Variants in PRKCE observed in about 807,000 individuals in gnomAD.
PRKCE encodes the protein protein kinase C epsilon type.
Under a neutral mutation model 85.4 loss-of-function variants are expected in PRKCE, and 16 were observed. That is an observed-to-expected ratio of 0.19 (90% CI 0.13 to 0.28). PRKCE has a LOEUF of 0.28. Among genes scored for constraint, PRKCE ranks in the 10% least tolerant of loss-of-function variants. The pLI is 1.00. For synonymous variants in PRKCE, 388 were observed against 371.5 expected, an observed-to-expected ratio of 1.04 and a Z score of -0.51; for missense variants, 573 against 975.2, an observed-to-expected ratio of 0.59 and a Z score of 5.49.
At chr2:45,784,557 A>T (rs1686445470) in intron 1 of PRKCE, among the ~76,000 whole-genome samples, 1 of 152,200 alleles carries the variant, frequency 6.6e-6, no homozygotes, top group Admixed American at 6.5e-5. Flanking sequence ...CAAATTGTAG[A>T]TCTCATCCCA....
intron 14 of PRKCE, among the ~76,000 whole-genome samples, chr2:46,182,682 C>T (rs577556366): frequency 2.6e-5 from 4 of 152,298 alleles, no homozygotes; most frequent in Admixed American, 6.5e-5. Context: ...GTCCCTCCTC[C>T]GTGCTGTTTG....
chr2:45,849,987 A>G (rs1001940350), intron 2 of PRKCE, among the ~76,000 whole-genome samples: 50 of 152,234 alleles, frequency 3.3e-4, no homozygotes, highest in African/African-American at 1.2e-3. Flanking sequence ...TTATAATGTC[A>G]CAAAGAGACA....
At chr2:45,658,523 C>A (rs1355483673) in intron 1 of PRKCE, among the ~76,000 whole-genome samples, 1 of 152,238 alleles carries the variant, frequency 6.6e-6, no homozygotes, top group African/African-American at 2.4e-5. Flanking sequence ...TGGAAGGCAT[C>A]TCCACCACTC....
chr2:45,958,816 ATTTTTTTTTTTTTTTTTTTT>A lies in PRKCE; in HGVS notation c.413-17593_413-17574del, dbSNP rs569651784. Among the ~76,000 whole-genome samples the A allele has an allele frequency of 7.3e-3, 132 of 18,162 alleles. 1 individual carries two copies. The highest frequency in any genetic ancestry group is 0.024 in the African/African-American group (122 of 5,058). 11.9% of individuals were successfully genotyped at this position (18,162 alleles called of 152,430 possible). ...CATATATATATATATATATATATATATTTTTTTTTTTTTTTTTTTTTTTTTTTTTTTTTTTTTTTAATAGA... is the reference window on the plus strand; with the variant it reads ...CATATATATATATATATATATATATATTTTTTTTTTTTTTTTTTTAATAGA... On this transcript the variant is annotated intron_variant, in intron 2 of 14. Transcript: ENST00000306156.
intron 10 of PRKCE, among the ~76,000 whole-genome samples, chr2:46,060,962 A>C (rs956659810): frequency 6.6e-6 from 1 of 151,514 alleles, no homozygotes; most frequent in Non-Finnish European, 1.5e-5. Flanking sequence ...GGGTTTTGTC[A>C]TGTTGGCTAG....
At chr2:45,661,715 A>G (rs28514974) in intron 1 of PRKCE, among the ~76,000 whole-genome samples, 6 of 98,348 alleles carry the variant, frequency 6.1e-5, no homozygotes, top group African/African-American at 1.9e-4. Context: ...TTTTTTTTGT[A>G]TTTTTAGTAA....
chr2:45,787,529 A>T (rs935831285), intron 1 of PRKCE, among the ~76,000 whole-genome samples: 5 of 152,100 alleles, frequency 3.3e-5, no homozygotes, highest in African/African-American at 1.2e-4. Context: ...TCTTTTCCAG[A>T]TGGTTTCCTA....
intron 11 of PRKCE, among the ~76,000 whole-genome samples, chr2:46,098,889 G>C (rs1408272975): frequency 6.6e-6 from 1 of 152,108 alleles, no homozygotes; most frequent in East Asian, 1.9e-4. Context: ...GTCCCTCCCA[G>C]TTGGCCATGT....
intron 1 of PRKCE, among the ~76,000 whole-genome samples, chr2:45,777,262 T>G (rs1685824438): frequency 6.6e-6 from 1 of 151,672 alleles, no homozygotes; most frequent in African/African-American, 2.4e-5. Context: ...TTGAGATGGG[T>G]GTTGATAGAG....
At chr2:45,728,377 C>A (rs1401029228) in intron 1 of PRKCE, among the ~76,000 whole-genome samples, 2 of 152,176 alleles carry the variant, frequency 1.3e-5, no homozygotes, top group African/African-American at 2.4e-5. Context: ...GTTGGACTAG[C>A]AAGCCAGAGA....
In PRKCE at chr2:45,899,622, A is replaced by G. The variant is rs187265323; in HGVS notation, c.412+56559A>G. Among the ~76,000 whole-genome samples, 864 of 152,206 alleles carry G rather than the reference A, an allele frequency of 5.7e-3. 5 individuals are homozygous for G. The highest frequency in any genetic ancestry group is 0.02 in the Middle Eastern group (6 of 294). ...GGTCTTGAACTCCTGGGCTCATGCA[A>G]TCTGCCTGCTTCGGCCTCCCAAAGT... On this transcript the variant is annotated intron_variant, in intron 2 of 14. Coordinates refer to ENST00000306156, the MANE Select transcript of PRKCE (RefSeq NM_005400.3).
chr2:45,858,245 A>G (rs1447091230), intron 2 of PRKCE, among the ~76,000 whole-genome samples: 1 of 152,332 alleles, frequency 6.6e-6, no homozygotes, highest in South Asian at 2.1e-4. Flanking sequence ...CTCTGCCTGG[A>G]GAAGAACCTA....
At chr2:46,104,872 G>A (rs137897992) in intron 11 of PRKCE, among the ~76,000 whole-genome samples, 1 of 152,154 alleles carries the variant, frequency 6.6e-6, no homozygotes, top group African/African-American at 2.4e-5. Context: ...AGGCTCTGGG[G>A]TTAGCAGCTT....
rs140602851 is a variant in PRKCE at position 45,850,512 on chromosome 2, C to G, written c.412+7449C>G. On this transcript the variant is annotated intron_variant, in intron 2 of 14. Coordinates refer to ENST00000306156, the MANE Select transcript of PRKCE (RefSeq NM_005400.3). ...TGTTGTTGATGTCTTCATGATTTGG[C>G]TTAAAAGAAAGGGTATTTCCATTCA... Among the ~76,000 whole-genome samples, 420 of 152,308 alleles carry G rather than the reference C, an allele frequency of 2.8e-3. 3 individuals carry two copies. The highest frequency in any genetic ancestry group is 9.5e-3 in the African/African-American group (396 of 41,562).
intron 1 of PRKCE, among the ~76,000 whole-genome samples, chr2:45,813,834 G>C (rs112277329): frequency 6.6e-6 from 1 of 152,184 alleles, no homozygotes; most frequent in African/African-American, 2.4e-5. Context: ...GCCCAACACA[G>C]CCCACAGGGC....
At chr2:46,116,396 A>G (rs891462755) in intron 11 of PRKCE, among the ~76,000 whole-genome samples, 5 of 152,368 alleles carry the variant, frequency 3.3e-5, no homozygotes, top group South Asian at 2.1e-4. Context: ...GTAATAAGCA[A>G]TTTGGTAACT....
Position 46,016,680 on chromosome 2 carries a change from A to G in PRKCE, c.1437+6163A>G, listed in dbSNP as rs542651834. Among the ~76,000 whole-genome samples the G allele has an allele frequency of 1.0e-3, 156 of 152,220 alleles. 1 individual carries two copies. The highest frequency in any genetic ancestry group is 5.7e-4 in the Non-Finnish European group (39 of 68,006). On this transcript the variant is annotated intron_variant, in intron 10 of 14. Coordinates refer to ENST00000306156, the MANE Select transcript of PRKCE (RefSeq NM_005400.3). ...CCCCAGCACTTTGGGAGGCCGAGGCAGGTGGATCACCTGAGGTCAGGAATT... is the reference window on the plus strand; with the variant it reads ...CCCCAGCACTTTGGGAGGCCGAGGCGGGTGGATCACCTGAGGTCAGGAATT...
At chr2:45,842,428 G>A (rs1312655848) in intron 1 of PRKCE, among the ~76,000 whole-genome samples, 1 of 152,184 alleles carries the variant, frequency 6.6e-6, no homozygotes, top group African/African-American at 2.4e-5. Context: ...AAAAGCAGGA[G>A]TAGTGTCTTC....
intron 1 of PRKCE, among the ~76,000 whole-genome samples, chr2:45,715,041 C>T (rs1679972533): frequency 6.6e-6 from 1 of 152,218 alleles, no homozygotes; most frequent in Non-Finnish European, 1.5e-5. Flanking sequence ...TGGAGTTGTT[C>T]CCTGGCAGAA....
Sources: gnomAD v4.1 joint callset for allele counts (sites outside exome capture counted in the v4.1 genomes callset) on GRCh38, gnomAD v4.1.1 for gene constraint, MANE v1.5 for transcripts, NCBI Gene and HGNC (gene_info 2026-07-23, HGNC 2026-07-21) for gene names.